MAGI1: variants seen among roughly 807,000 people sequenced by gnomAD.
The protein encoded by MAGI1 is membrane associated guanylate kinase, WW and PDZ domain containing 1.
MAGI1 carries 58 observed loss-of-function variants against 139.9 expected under a neutral mutation model. The ratio of observed to expected loss-of-function variants is 0.41; its 90% CI spans 0.34 to 0.52. The LOEUF is 0.52. Ranked by LOEUF, MAGI1 falls within the 20% of genes least tolerant of loss-of-function variation. The pLI is 0.12. For missense variants in MAGI1, 1,874 were observed against 1,901.6 expected, an observed-to-expected ratio of 0.99 and a Z score of 0.27; for synonymous variants, 812 against 737.9, an observed-to-expected ratio of 1.10 and a Z score of -1.63.
At chr3:65,391,590 C>T (rs1363530164) in intron 13 of MAGI1, among the ~76,000 whole-genome samples, 1 of 152,170 alleles carries the variant, frequency 6.6e-6, no homozygotes, top group African/African-American at 2.4e-5. Flanking sequence ...ACCCATACTG[C>T]TCTCTGGGCT....
At chr3:65,800,560 T>C (rs995244002) in intron 1 of MAGI1, among the ~76,000 whole-genome samples, 1 of 151,896 alleles carries the variant, frequency 6.6e-6, no homozygotes, top group Admixed American at 6.6e-5. Context: ...GGGCAGAACA[T>C]GGACTGCTTC....
intron 4 of MAGI1, among the ~76,000 whole-genome samples, chr3:65,476,804 A>T (rs1401920806): frequency 6.6e-6 from 1 of 152,202 alleles, no homozygotes; most frequent in Non-Finnish European, 1.5e-5. Context: ...AAATGTTAAC[A>T]TGTTTCATGA....
rs138577968 is a variant in MAGI1, at chr3:65,427,305, C to T, written c.2167+2215G>A. 1.8e-3 allele frequency among the ~76,000 whole-genome samples: 281 copies of T among 152,194 alleles called. 3 individuals are homozygous for T. The East Asian group carries it at 0.023, about 12-fold the overall frequency. ...CCAGCCTGGGTGACAAAGTGAGACC[C>T]TGTCTCAAAAATAAAAATAAAAAAT... is the stretch of plus-strand genomic sequence containing the variant. On this transcript the variant is annotated intron_variant, in intron 12 of 22. Transcript: ENST00000402939.
chr3:65,384,359 C>T (rs909780111), intron 14 of MAGI1, among the ~76,000 whole-genome samples: 2 of 152,218 alleles, frequency 1.3e-5, no homozygotes, highest in Admixed American at 6.5e-5. Flanking sequence ...TTTTTCTTCT[C>T]GTTATTCCCT....
chr3:65,688,135 T>C (rs1435508219), intron 1 of MAGI1: 2 of 762,918 alleles, frequency 2.6e-6, no homozygotes, highest in East Asian at 3.3e-5. Flanking sequence ...GGTGCAGGAC[T>C]GTTCCTGCCA....
intron 22 of MAGI1, among the ~76,000 whole-genome samples, chr3:65,358,820 G>A (rs1014184577): frequency 1.3e-5 from 2 of 152,110 alleles, no homozygotes; most frequent in South Asian, 4.1e-4. Context: ...CAAAAAACAG[G>A]TTCTTAACAA....
chr3:65,410,156 A>G (rs1453599456), intron 12 of MAGI1, among the ~76,000 whole-genome samples: 2 of 152,188 alleles, frequency 1.3e-5, no homozygotes, highest in Non-Finnish European at 2.9e-5. Flanking sequence ...CCTGAGAAAT[A>G]AATGGTCACT....
intron 2 of MAGI1, among the ~76,000 whole-genome samples, chr3:65,596,817 T>C (rs896105050): frequency 3.9e-5 from 6 of 152,222 alleles, no homozygotes; most frequent in African/African-American, 1.2e-4. Context: ...AGCCAGACTC[T>C]GGATTCTGTT....
intron 1 of MAGI1, among the ~76,000 whole-genome samples, chr3:65,944,859 G>A (rs1308660116): frequency 2.6e-5 from 4 of 152,152 alleles, no homozygotes; most frequent in African/African-American, 9.6e-5. Context: ...AGGTAATAAA[G>A]AGAGTGTCAA....
At chr3:65,556,752 A>G (rs577620833) in intron 2 of MAGI1, among the ~76,000 whole-genome samples, 1 of 152,340 alleles carries the variant, frequency 6.6e-6, no homozygotes, top group South Asian at 2.1e-4. Flanking sequence ...AAAAAGTAAA[A>G]ACCAACACAA....
At chr3:65,528,924 C>G (rs1314730139) in intron 2 of MAGI1, among the ~76,000 whole-genome samples, 1 of 152,064 alleles carries the variant, frequency 6.6e-6, no homozygotes, top group Non-Finnish European at 1.5e-5. Context: ...GCACACATCT[C>G]TAGTCTCAGC....
At chr3:65,415,837 A>G (rs536498782) in intron 12 of MAGI1, among the ~76,000 whole-genome samples, 1 of 152,304 alleles carries the variant, frequency 6.6e-6, no homozygotes, top group African/African-American at 2.4e-5. Flanking sequence ...CGGGGGTGCT[A>G]CCGGCAGCTA....
chr3:65,939,592 T>C (rs1316892966), intron 1 of MAGI1, among the ~76,000 whole-genome samples: 3 of 152,186 alleles, frequency 2.0e-5, no homozygotes, highest in Admixed American at 1.3e-4. Context: ...TGAGCCCATC[T>C]AAGTCATTAA....
intron 14 of MAGI1, among the ~76,000 whole-genome samples, chr3:65,385,100 T>C (rs1021879245): frequency 6.6e-6 from 1 of 152,178 alleles, no homozygotes; most frequent in Non-Finnish European, 1.5e-5. Flanking sequence ...TATTAATTCA[T>C]TTTCCAGTAA....
At chr3:65,790,968 GA>G (rs2039723809) in intron 1 of MAGI1, among the ~76,000 whole-genome samples, 1 of 152,064 alleles carries the variant, frequency 6.6e-6, no homozygotes, top group African/African-American at 2.4e-5. Flanking sequence ...CCAGCTACTG[GA>G]GAGGTTGAGA....
chr3:65,365,099 T>C, intron 18 of MAGI1, 153 bp from the exon 19 acceptor site: 1 of 780,206 alleles, frequency 1.3e-6, no homozygotes, highest in Non-Finnish European at 2.4e-6. Context: ...CAATTAGGAG[T>C]TTAATAAACC....
intron 7 of MAGI1, among the ~76,000 whole-genome samples, chr3:65,444,056 C>T (rs2107446654): frequency 6.6e-6 from 1 of 152,250 alleles, no homozygotes; most frequent in East Asian, 1.9e-4. Context: ...CATCAAGAGA[C>T]ATTAATTTCA....
At chr3:65,984,155 A>T (rs953902219) in intron 1 of MAGI1, among the ~76,000 whole-genome samples, 1 of 152,152 alleles carries the variant, frequency 6.6e-6, no homozygotes, top group Non-Finnish European at 1.5e-5. Context: ...TTAGCCAAGC[A>T]TGGTGGCAGG....
At chr3:65,533,712 T>A (rs1427366165) in intron 2 of MAGI1, among the ~76,000 whole-genome samples, 1 of 151,970 alleles carries the variant, frequency 6.6e-6, no homozygotes, top group Non-Finnish European at 1.5e-5. Context: ...GACCAAATAT[T>A]CCCCCAATGA....
Sources: gnomAD v4.1 joint callset for allele counts (sites outside exome capture counted in the v4.1 genomes callset) on GRCh38, gnomAD v4.1.1 for gene constraint, MANE v1.5 for transcripts, NCBI Gene and HGNC (gene_info 2026-07-23, HGNC 2026-07-21) for gene names.